IQCM: variants seen among roughly 807,000 people sequenced by gnomAD.
The protein encoded by IQCM is IQ domain-containing protein M.
A neutral mutation model predicts 57.6 loss-of-function variants in IQCM; 45 were observed. The ratio of observed to expected loss-of-function variants is 0.78; its 90% CI spans 0.62 to 1.00. The LOEUF (loss-of-function observed/expected upper bound fraction) is 1.00, where lower values mean the gene tolerates loss of function less well. IQCM is among the 50% of genes least tolerant of loss of function. The pLI is 0.00. For missense variants in IQCM, 468 were observed against 511.6 expected (o/e 0.91, Z 0.82); for synonymous variants, 148 against 158.9 (o/e 0.93, Z 0.51).
intron 7 of IQCM, among the ~76,000 whole-genome samples, chr4:149,645,273 T>C (rs1295546358): frequency 6.6e-6 from 1 of 152,230 alleles, no homozygotes; most frequent in East Asian, 1.9e-4. Context: ...ACAGAAGTTC[T>C]TAATTTTAAT....
chr4:149,762,761 G>A (rs1769655835), intron 2 of IQCM, among the ~76,000 whole-genome samples: 1 of 151,828 alleles, frequency 6.6e-6, no homozygotes, highest in Non-Finnish European at 1.5e-5. Context: ...GTAAGTCAGG[G>A]GATAAGGTTC....
At chr4:149,571,544 C>T (rs777431567) in intron 9 of IQCM, among the ~76,000 whole-genome samples, 5 of 151,808 alleles carry the variant, frequency 3.3e-5, no homozygotes, top group African/African-American at 9.7e-5. Flanking sequence ...TTTACATAGG[C>T]GGAATAAGTC....
chr4:149,560,659 G>T (rs1389788450), intron 10 of IQCM, among the ~76,000 whole-genome samples: 3 of 151,862 alleles, frequency 2.0e-5, no homozygotes. Context: ...CAATCTCTGT[G>T]GTCTTTCGAT....
intron 13 of IQCM, among the ~76,000 whole-genome samples, chr4:149,386,885 A>C (rs1358456860): frequency 6.6e-6 from 1 of 152,038 alleles, no homozygotes; most frequent in African/African-American, 2.4e-5. Context: ...AAAAGGTTTT[A>C]ATAGGTTCAG....
At position 149,672,187 on chromosome 4, in the gene IQCM, T is replaced by C. The variant is rs539740485; in HGVS notation, c.565+9931A>G. ...TGGGGAGAAACCAGAGCAGAAAGGCTGAAAATTCTAAAAATCAGAGCGGCT... is the reference window on the plus strand; with the variant it reads ...TGGGGAGAAACCAGAGCAGAAAGGCCGAAAATTCTAAAAATCAGAGCGGCT... On this transcript the variant is annotated intron_variant, in intron 7 of 13. Transcript: ENST00000636793. 1.9e-3 allele frequency among the ~76,000 whole-genome samples: 286 copies of C among 152,276 alleles called. 1 individual carries two copies. Among genetic ancestry groups the C allele is most frequent in the Non-Finnish European group, 1.8e-3 (124 of 68,010 alleles).
intron 2 of IQCM, among the ~76,000 whole-genome samples, chr4:149,813,911 C>T (rs1774820099): frequency 6.6e-6 from 1 of 152,080 alleles, no homozygotes; most frequent in African/African-American, 2.4e-5. Context: ...AAAACCTGCT[C>T]TGACCCATTT....
At chr4:149,364,936 G>A (rs1729731224) in intron 13 of IQCM, among the ~76,000 whole-genome samples, 1 of 151,672 alleles carries the variant, frequency 6.6e-6, no homozygotes, top group Admixed American at 6.6e-5. Context: ...GGAAACTGGA[G>A]GCTAAAGACA....
At chr4:149,362,997 C>T (rs1299513868) in intron 13 of IQCM, among the ~76,000 whole-genome samples, 2 of 152,320 alleles carry the variant, frequency 1.3e-5, no homozygotes, top group East Asian at 3.9e-4. Context: ...TTTCCACTCT[C>T]TTCTTCCTCA....
At chr4:149,692,392 T>A (rs1210119696) in intron 5 of IQCM, among the ~76,000 whole-genome samples, 1 of 152,198 alleles carries the variant, frequency 6.6e-6, no homozygotes, top group Non-Finnish European at 1.5e-5. Context: ...AAATGTAGTA[T>A]TGTTAGGACT....
chr4:149,364,173 C>G (rs1380918728), intron 13 of IQCM, among the ~76,000 whole-genome samples: 2 of 152,140 alleles, frequency 1.3e-5, no homozygotes, highest in Non-Finnish European at 2.9e-5. Flanking sequence ...ACCAGGCACC[C>G]TTTCCCATTG....
intron 7 of IQCM, among the ~76,000 whole-genome samples, chr4:149,668,518 G>A (rs894711412): frequency 6.6e-6 from 1 of 152,074 alleles, no homozygotes; most frequent in Non-Finnish European, 1.5e-5. Context: ...GGGCAGCGGG[G>A]GGCAAGGGGA....
intron 7 of IQCM, among the ~76,000 whole-genome samples, chr4:149,637,603 G>A (rs1561089620): frequency 6.6e-6 from 1 of 152,106 alleles, no homozygotes; most frequent in Admixed American, 6.5e-5. Flanking sequence ...AAAACTGGAA[G>A]GCATACATGA....
At chr4:149,392,487 A>G (rs1267041512) in intron 13 of IQCM, among the ~76,000 whole-genome samples, 1 of 152,052 alleles carries the variant, frequency 6.6e-6, no homozygotes, top group Non-Finnish European at 1.5e-5. Context: ...CACGGGGAAA[A>G]GGAAATGACA....
chr4:149,644,623 G>A (rs1388216339), intron 7 of IQCM, among the ~76,000 whole-genome samples: 2 of 152,146 alleles, frequency 1.3e-5, no homozygotes, highest in South Asian at 2.1e-4. Context: ...TTATTACAGA[G>A]TATGCTGCTG....
At chr4:149,655,970 C>T (rs1759600611) in intron 7 of IQCM, among the ~76,000 whole-genome samples, 2 of 151,998 alleles carry the variant, frequency 1.3e-5, no homozygotes, top group African/African-American at 4.8e-5. Context: ...ACACATAAGA[C>T]AGTATGAGCA....
At chr4:149,422,627 G>T (rs1264537645) in intron 13 of IQCM, among the ~76,000 whole-genome samples, 1 of 152,014 alleles carries the variant, frequency 6.6e-6, no homozygotes, top group Non-Finnish European at 1.5e-5. Context: ...GCGCACGCAT[G>T]TGTGCATGAA....
chr4:149,483,148 T>C (rs1208984460), intron 12 of IQCM, among the ~76,000 whole-genome samples: 1 of 151,912 alleles, frequency 6.6e-6, no homozygotes. Context: ...TTAATATTTA[T>C]TTGCATCTTC....
chr4:149,442,676 A>T (rs2111341430), intron 12 of IQCM, among the ~76,000 whole-genome samples: 1 of 152,102 alleles, frequency 6.6e-6, no homozygotes, highest in African/African-American at 2.4e-5. Context: ...CAGTCTGTTT[A>T]TAATTAGATA....
chr4:149,425,204 T>C (rs1734382759), intron 13 of IQCM, among the ~76,000 whole-genome samples: 1 of 152,034 alleles, frequency 6.6e-6, no homozygotes, highest in Admixed American at 6.6e-5. Context: ...TTACATTAAT[T>C]ATACAATTTT....
Sources: allele counts gnomAD v4.1 joint callset (sites outside exome capture counted in the v4.1 genomes callset), GRCh38; gene constraint gnomAD v4.1.1; transcripts MANE v1.5; gene names NCBI Gene and HGNC (gene_info 2026-07-23, HGNC 2026-07-21).